ECT2L: variants seen among roughly 807,000 people sequenced by gnomAD.
ECT2L encodes the protein epithelial cell transforming 2 like, also known as epithelial cell-transforming sequence 2 oncogene-like.
ECT2L carries 126 observed loss-of-function variants against 122.8 expected under a neutral mutation model. That is an observed-to-expected ratio of 1.03 (90% CI 0.89 to 1.19). The LOEUF (loss-of-function observed/expected upper bound fraction) is 1.19, where lower values mean the gene tolerates loss of function less well. Ranked by LOEUF, ECT2L falls within the 50% of genes most tolerant of loss-of-function variation. ECT2L has a pLI of 0.00. For synonymous variants in ECT2L, 385 were observed against 381.8 expected (o/e 1.01, Z -0.10); for missense variants, 1,012 against 1,064.1 (o/e 0.95, Z 0.68).
At chr6:138,817,998 C>G (rs1776126991) in intron 4 of ECT2L, among the ~76,000 whole-genome samples, 1 of 152,162 alleles carries the variant, frequency 6.6e-6, no homozygotes, top group Non-Finnish European at 1.5e-5. Flanking sequence ...CTCAGAGAAA[C>G]CCGTGAGGAG....
In ECT2L at chr6:138,881,186, T is replaced by G; in HGVS notation, c.1880+15T>G. ...AGTCTCAACAGGTAAACCCTGAATA[T>G]GTATTTTTTTTAATATTCATTGTGC... On this transcript the variant is annotated intron_variant, in intron 15 of 21. Transcript: ENST00000541398. 6.2e-7 allele frequency: 1 copy of G among 1,608,304 alleles called. No individual in the cohort carries two copies.
At chr6:138,857,971 A>G (rs958829483) in intron 10 of ECT2L, among the ~76,000 whole-genome samples, 2 of 152,190 alleles carry the variant, frequency 1.3e-5, no homozygotes, top group African/African-American at 4.8e-5. Context: ...GAACTGAGGA[A>G]AAGAGGAAGC....
At chr6:138,882,576 C>A in intron 15 of ECT2L, 148 bp from the exon 16 acceptor site, 1 of 957,368 alleles carries the variant, frequency 1.0e-6, no homozygotes, top group East Asian at 2.7e-5. Flanking sequence ...GTCAAATCTC[C>A]ACTTCTCTGT....
At chr6:138,880,919 C>G (rs1007432886) in intron 14 of ECT2L, 38 bp from the exon 15 acceptor site, 1 of 1,577,148 alleles carries the variant, frequency 6.3e-7, no homozygotes, top group Non-Finnish European at 8.7e-7. Context: ...ACTTCTACTT[C>G]TCCATCACTG....
chr6:138,830,744 T>C (rs990769805), intron 4 of ECT2L, among the ~76,000 whole-genome samples: 1 of 152,182 alleles, frequency 6.6e-6, no homozygotes, highest in Non-Finnish European at 1.5e-5. Flanking sequence ...GTCCTGTCCT[T>C]TCCATGTTGT....
intron 2 of ECT2L, 69 bp from the exon 3 acceptor site, chr6:138,813,103 A>G (rs1281873996): frequency 1.5e-5 from 8 of 534,578 alleles, no homozygotes; most frequent in Admixed American, 3.6e-5. Flanking sequence ...AATTCTATCT[A>G]TATGTTATAT....
intron 20 of ECT2L, among the ~76,000 whole-genome samples, chr6:138,894,652 C>G (rs1779151529): frequency 6.6e-6 from 1 of 152,182 alleles, no homozygotes; most frequent in African/African-American, 2.4e-5. Context: ...CACCCATTAT[C>G]TTCACATACT....
chr6:138,803,805 T>C (rs1008878650), intron 1 of ECT2L, among the ~76,000 whole-genome samples: 2 of 152,238 alleles, frequency 1.3e-5, no homozygotes, highest in African/African-American at 2.4e-5. Context: ...GTTCCTAATA[T>C]GATACATGCC....
chr6:138,880,740 G>A (rs1778615624), intron 14 of ECT2L, among the ~76,000 whole-genome samples: 1 of 152,158 alleles, frequency 6.6e-6, no homozygotes, highest in Non-Finnish European at 1.5e-5. Context: ...AAGATTAAAA[G>A]TCCCTTCTCT....
At position 138,881,001 on chromosome 6, in the gene ECT2L, T is replaced by A; in HGVS notation, c.1710T>A (p.Val570=). 1 of 1,614,156 alleles carries A rather than the reference T, an allele frequency of 6.2e-7. No individual in the cohort carries two copies. The highest frequency in any genetic ancestry group is 8.5e-7 in the Non-Finnish European group (1 of 1,180,016). The part of the protein sequence containing the change: ...QKDSAEKRAR[V]VRELLQSERK... ...ACTCAGCAGAAAAGCGAGCTAGAGT[T>A]GTCAGAGAACTCTTACAGAGTGAGA... The change falls in exon 15 of 22, where the codon GTT becomes GTA. Residue 570 remains valine, a synonymous_variant. Transcript: ENST00000541398.
chr6:138,846,744 AC>A, intron 8 of ECT2L, 67 bp downstream of exon 8: 1 of 1,366,006 alleles, frequency 7.3e-7, no homozygotes, highest in Non-Finnish European at 9.6e-7. Context: ...TTTCATCTAG[AC>A]TAGAGGGTGT....
At chr6:138,882,547 C>T (rs1465097746) in intron 15 of ECT2L, among the ~76,000 whole-genome samples, 177 bp from the exon 16 acceptor site, 6 of 152,188 alleles carry the variant, frequency 3.9e-5, no homozygotes, top group South Asian at 2.1e-4. Context: ...TACTCCTTCA[C>T]GTCCCAGTTC....
rs1302515970 is a variant in ECT2L, at chr6:138,849,339, T to C, written c.974T>C (p.Leu325Pro). Residue 325 changes from leucine (L) to proline (P), a missense_variant, in exon 9 of 22, where the codon CTT becomes CCT. Coordinates refer to ENST00000541398, the MANE Select transcript of ECT2L (RefSeq NM_001077706.3). ...GAACACAGCGTAACCTTGGAAAGCCTTCTGTATCTTATAGAAAAAGCTCTG... is the reference window on the plus strand; with the variant it reads ...GAACACAGCGTAACCTTGGAAAGCCCTCTGTATCTTATAGAAAAAGCTCTG... ...VYEHSVTLES[L>P]LYLIEKALDG... The C allele has an allele frequency of 1.2e-6, 2 of 1,613,986 alleles. No individual in the cohort carries two copies. Among genetic ancestry groups the C allele is most frequent in the African/African-American group, 2.7e-5 (2 of 74,900 alleles).
chr6:138,811,980 C>A (rs1775918025), intron 1 of ECT2L, among the ~76,000 whole-genome samples: 2 of 152,170 alleles, frequency 1.3e-5, no homozygotes, highest in Admixed American at 1.3e-4. Context: ...TGAACCACTG[C>A]ACCCGGCTCA....
At chr6:138,889,396 G>C (rs527492963) in intron 20 of ECT2L, among the ~76,000 whole-genome samples, 1 of 151,560 alleles carries the variant, frequency 6.6e-6, no homozygotes, top group Non-Finnish European at 1.5e-5. Flanking sequence ...GCGCAATCTC[G>C]GCTCACAGCA....
At chr6:138,858,804 C>G (rs1777716845) in intron 10 of ECT2L, among the ~76,000 whole-genome samples, 1 of 145,960 alleles carries the variant, frequency 6.9e-6, no homozygotes, top group Non-Finnish European at 1.5e-5. Context: ...TTCCCGGGGT[C>G]AAGCGATCCT....
At chr6:138,859,073 G>A (rs1582624220) in intron 10 of ECT2L, among the ~76,000 whole-genome samples, 1 of 151,994 alleles carries the variant, frequency 6.6e-6, no homozygotes, top group East Asian at 1.9e-4. Context: ...TTTGTGCAGA[G>A]GCCACACTAA....
At chr6:138,891,973 T>C (rs1424924560) in intron 20 of ECT2L, among the ~76,000 whole-genome samples, 1 of 152,238 alleles carries the variant, frequency 6.6e-6, no homozygotes, top group Non-Finnish European at 1.5e-5. Flanking sequence ...TTCCTGGACC[T>C]ATGGTTTGCT....
Position 138,849,270 on chromosome 6 carries a change from T to G in ECT2L, c.905T>G (p.Met302Arg). Residue 302 changes from methionine to arginine, a missense_variant and splice_region_variant, in exon 9 of 22, where the codon ATG becomes AGG. By Grantham distance (91) the Met-to-Arg change is moderately conservative. Transcript: ENST00000541398. ...TACAGCTTTGGTTTCATTCTCCAGA[T>G]GGTGATGGAGAGTGTGAAGGCTGGT... The part of the protein sequence containing the change: ...LISSRIPAYE[M>R]VMESVKAGVV... 1.2e-6 allele frequency: 2 copies of G among 1,602,594 alleles called. No homozygotes were observed.
Sources: gnomAD v4.1 joint callset for allele counts (sites outside exome capture counted in the v4.1 genomes callset) on GRCh38, gnomAD v4.1.1 for gene constraint, MANE v1.5 for transcripts, NCBI Gene and HGNC (gene_info 2026-07-23, HGNC 2026-07-21) for gene names.